Variants in TOX observed in about 807,000 individuals in gnomAD.
TOX encodes thymocyte selection-associated high mobility group box protein TOX.
Under a neutral mutation model 53.7 loss-of-function variants are expected in TOX, and 11 were observed. That is an observed-to-expected ratio of 0.20 (90% CI 0.13 to 0.34). TOX has a LOEUF of 0.34. Among genes scored for constraint, TOX ranks in the 10% least tolerant of loss-of-function variants. The pLI is 1.00. For missense variants in TOX, 570 were observed against 664.6 expected (o/e 0.86, Z 1.56); for synonymous variants, 225 against 245.3 (o/e 0.92, Z 0.77).
chr8:58,868,421 C>G (rs1811138641), intron 3 of TOX, among the ~76,000 whole-genome samples: 1 of 152,064 alleles, frequency 6.6e-6, no homozygotes, highest in Admixed American at 6.6e-5. Context: ...AGAAAGTTAT[C>G]TCTTTCAAGT....
rs1466400750 is a variant in TOX, at chr8:59,118,681, T to G, written c.102+205A>C. Reference sequence around the variant, plus strand: ...AGAATCCGAGCAAATCGTGTCACTTTCCGCACAATCGCGGTGTTTGGCAAG... The same window carrying G: ...AGAATCCGAGCAAATCGTGTCACTTGCCGCACAATCGCGGTGTTTGGCAAG... On this transcript the variant is annotated intron_variant, in intron 1 of 8. Coordinates refer to ENST00000361421, the MANE Select transcript of TOX (RefSeq NM_014729.3). The surrounding 1 kb of genome is among the most constrained non-coding windows in gnomAD (Gnocchi z 4.1). 6.6e-6 allele frequency among the ~76,000 whole-genome samples: 1 copy of G among 152,104 alleles called. No homozygotes were observed. The highest frequency in any genetic ancestry group is 1.5e-5 in the Non-Finnish European group (1 of 68,010).
At chr8:59,007,736 A>T (rs993499869) in intron 1 of TOX, among the ~76,000 whole-genome samples, 1 of 152,252 alleles carries the variant, frequency 6.6e-6, no homozygotes, top group African/African-American at 2.4e-5. Flanking sequence ...ATTATGAATG[A>T]TTCTGTCCAT....
At chr8:58,935,784 T>C (rs1238861248) in intron 3 of TOX, among the ~76,000 whole-genome samples, 1 of 152,234 alleles carries the variant, frequency 6.6e-6, no homozygotes, top group East Asian at 1.9e-4. Flanking sequence ...CAAAGAGTTT[T>C]AGTAAGTTTT....
chr8:58,871,538 A>G (rs1424440757), intron 3 of TOX, among the ~76,000 whole-genome samples: 1 of 152,202 alleles, frequency 6.6e-6, no homozygotes, highest in Non-Finnish European at 1.5e-5. Flanking sequence ...GACTTAAGTA[A>G]TTTTGGAAAT....
chr8:58,942,053 C>CAA (rs35861451), intron 2 of TOX, among the ~76,000 whole-genome samples: 1,407 of 106,280 alleles, frequency 0.013, 33 homozygotes, highest in African/African-American at 0.046. Context: ...GACTCTGTCT[C>CAA]AAAAAAAAAA....
chr8:58,931,046 T>C (rs770715550), intron 3 of TOX, among the ~76,000 whole-genome samples: 3 of 152,154 alleles, frequency 2.0e-5, no homozygotes, highest in African/African-American at 7.2e-5. Context: ...AATACCACAA[T>C]GGCCTTTTCA....
intron 1 of TOX, among the ~76,000 whole-genome samples, chr8:59,024,313 T>G (rs2129419600): frequency 6.6e-6 from 1 of 152,358 alleles, no homozygotes; most frequent in East Asian, 1.9e-4. Flanking sequence ...AAAATATTTC[T>G]AAAGTGAATT....
At chr8:59,031,335 C>T (rs1266372651) in intron 1 of TOX, among the ~76,000 whole-genome samples, 1 of 152,172 alleles carries the variant, frequency 6.6e-6, no homozygotes, top group African/African-American at 2.4e-5. Flanking sequence ...CATCCCAGTG[C>T]CCATTGCAGG....
chr8:58,811,874 T>C lies in TOX; in HGVS notation c.1392+3464A>G, dbSNP rs192982878. On this transcript the variant is annotated intron_variant, in intron 7 of 8. Transcript: ENST00000361421. The stretch of plus-strand genomic sequence containing the variant: ...TTATTCTAGAAAAAAATGAAACTAT[T>C]ATTCCTGGTGGACTACACAATCATT... 1.2e-3 allele frequency among the ~76,000 whole-genome samples: 176 copies of C among 152,324 alleles called. 1 individual carries two copies. Among genetic ancestry groups the C allele is most frequent in the African/African-American group, 4.1e-3 (171 of 41,572 alleles).
intron 1 of TOX, among the ~76,000 whole-genome samples, chr8:59,082,389 C>T (rs1175828117): frequency 6.6e-6 from 1 of 152,230 alleles, no homozygotes; most frequent in Non-Finnish European, 1.5e-5. Flanking sequence ...TTCCTCGCAT[C>T]AAATTGCACT....
chr8:59,079,577 G>T (rs1804361550), intron 1 of TOX, among the ~76,000 whole-genome samples: 1 of 152,202 alleles, frequency 6.6e-6, no homozygotes, highest in African/African-American at 2.4e-5. Flanking sequence ...TAAGCCTGTG[G>T]GTGCACAGAG....
chr8:58,940,616 C>G (rs1205005702), intron 2 of TOX, among the ~76,000 whole-genome samples: 2 of 152,110 alleles, frequency 1.3e-5, no homozygotes, highest in African/African-American at 4.8e-5. Flanking sequence ...AAGAGTGAGC[C>G]TTCATAGTGT....
chr8:59,005,517 T>A (rs989649541), intron 1 of TOX, among the ~76,000 whole-genome samples: 1 of 152,212 alleles, frequency 6.6e-6, no homozygotes, highest in Non-Finnish European at 1.5e-5. Flanking sequence ...ATTTTACTTA[T>A]CACACTGTTA....
intron 1 of TOX, among the ~76,000 whole-genome samples, chr8:59,017,137 T>C (rs749026527): frequency 6.6e-6 from 1 of 152,252 alleles, no homozygotes; most frequent in Non-Finnish European, 1.5e-5. Flanking sequence ...GTCTAGCTTA[T>C]CTAAACAATT....
In TOX at chr8:58,939,299, T is replaced by C. The variant is rs778755505; in HGVS notation, c.411+3A>G. On this transcript the variant is annotated splice_donor_region_variant and intron_variant, in intron 3 of 8. Coordinates refer to ENST00000361421, the MANE Select transcript of TOX (RefSeq NM_014729.3). ...CACCACAAACAGGTAAGCAGATTCT[T>C]ACCACAGAAATGGAATTAGAAAGCA... 1.2e-6 allele frequency: 2 copies of C among 1,614,032 alleles called. No individual in the cohort carries two copies. Among genetic ancestry groups the C allele is most frequent in the East Asian group, 2.2e-5 (1 of 44,866 alleles).
chr8:59,024,044 G>T (rs772853783), intron 1 of TOX, among the ~76,000 whole-genome samples: 7 of 152,114 alleles, frequency 4.6e-5, no homozygotes, highest in Non-Finnish European at 1.5e-5. Context: ...ATAAAGAAAA[G>T]AAAAAGAAAT....
At chr8:59,053,360 G>A (rs1803829437) in intron 1 of TOX, among the ~76,000 whole-genome samples, 1 of 152,158 alleles carries the variant, frequency 6.6e-6, no homozygotes, top group Non-Finnish European at 1.5e-5. Flanking sequence ...ACACATGGTT[G>A]TGTCTGCCCG....
At chr8:59,029,458 C>T (rs1814312867) in intron 1 of TOX, among the ~76,000 whole-genome samples, 1 of 152,124 alleles carries the variant, frequency 6.6e-6, no homozygotes, top group Non-Finnish European at 1.5e-5. Context: ...GTGAAAATGT[C>T]AGACAGTGAT....
chr8:58,843,357 A>G (rs763729624), intron 4 of TOX, among the ~76,000 whole-genome samples: 4 of 152,216 alleles, frequency 2.6e-5, no homozygotes, highest in Non-Finnish European at 5.9e-5. Flanking sequence ...GATTCTTGGA[A>G]CATAATATTC....
Sources: gnomAD v4.1 joint callset for allele counts (sites outside exome capture counted in the v4.1 genomes callset) on GRCh38, gnomAD v4.1.1 for gene constraint, Gnocchi (gnomAD v3.1) non-coding constraint, MANE v1.5 for transcripts, NCBI Gene and HGNC (gene_info 2026-07-23, HGNC 2026-07-21) for gene names.